SCHIP1: variants seen among roughly 807,000 people sequenced by gnomAD.
SCHIP1 encodes the protein schwannomin interacting protein 1.
SCHIP1 carries 8 observed loss-of-function variants against 29.7 expected under a neutral mutation model. The observed-to-expected ratio is 0.27, with a 90% CI of 0.16 to 0.49. SCHIP1 has a LOEUF of 0.49. SCHIP1 is among the 20% of genes least tolerant of loss of function. The pLI, the probability that SCHIP1 is intolerant of heterozygous loss-of-function variation, is 0.99. For missense variants in SCHIP1, 193 were observed against 294.6 expected (o/e 0.66, Z 2.52); for synonymous variants, 76 against 94.9 (o/e 0.80, Z 1.16).
At chr3:159,728,356 T>A in the SCHIP1 span, among the ~76,000 whole-genome samples, 5 of 152,140 alleles carry the variant, frequency 3.3e-5, no homozygotes, top group African/African-American at 4.8e-5. Flanking sequence ...TCTCTTGACA[T>A]CTGAAGGAGG....
chr3:159,275,953 G>T, the SCHIP1 span, among the ~76,000 whole-genome samples: 1 of 152,120 alleles, frequency 6.6e-6, no homozygotes, highest in East Asian at 1.9e-4. Context: ...TCTTTACTGT[G>T]GTCCACCCAC....
chr3:159,507,273 G>C, the SCHIP1 span, among the ~76,000 whole-genome samples: 1 of 151,908 alleles, frequency 6.6e-6, no homozygotes, highest in East Asian at 1.9e-4. Flanking sequence ...CTGTTTGTCT[G>C]TTATTGGTGT....
chr3:159,665,118 C>T, the SCHIP1 span, among the ~76,000 whole-genome samples: 281 of 152,248 alleles, frequency 1.8e-3, 2 homozygotes, highest in African/African-American at 6.6e-3. Flanking sequence ...GAGATGGGCT[C>T]TAGCATTGGT....
the SCHIP1 span, among the ~76,000 whole-genome samples, chr3:159,504,093 T>C: frequency 6.6e-6 from 1 of 152,148 alleles, no homozygotes; most frequent in African/African-American, 2.4e-5. Flanking sequence ...GAACTCTATC[T>C]CTCAGGTTGT....
chr3:159,743,771 C>A, the SCHIP1 span, among the ~76,000 whole-genome samples: 1 of 151,974 alleles, frequency 6.6e-6, no homozygotes. Context: ...ATGTCAGTAC[C>A]CTGGTTTGAT....
At chr3:159,765,369 G>T in the SCHIP1 span, 1 of 493,720 alleles carries the variant, frequency 2.0e-6, no homozygotes, top group Non-Finnish European at 3.4e-6. Context: ...AGCAGCCAGA[G>T]GGCAGCGGAA....
the SCHIP1 span, among the ~76,000 whole-genome samples, chr3:159,805,918 C>T: frequency 2.0e-5 from 3 of 151,658 alleles, no homozygotes; most frequent in Admixed American, 6.6e-5. Context: ...GAGCAATTCT[C>T]CTGCCTCAGC....
chr3:159,439,782 C>T, the SCHIP1 span, among the ~76,000 whole-genome samples: 2 of 151,236 alleles, frequency 1.3e-5, no homozygotes, highest in Admixed American at 6.6e-5. Flanking sequence ...GGATATTAGA[C>T]CTTTGTCAGA....
At chr3:159,299,040 T>C in the SCHIP1 span, among the ~76,000 whole-genome samples, 1 of 151,646 alleles carries the variant, frequency 6.6e-6, no homozygotes, top group South Asian at 2.1e-4. Context: ...AATTCTAGGA[T>C]TTACCTTCTC....
chr3:159,693,909 T>C, the SCHIP1 span, among the ~76,000 whole-genome samples: 27 of 152,314 alleles, frequency 1.8e-4, no homozygotes, highest in South Asian at 5.4e-3. Flanking sequence ...TGTACGTGTG[T>C]CGTGAAGATC....
the SCHIP1 span, among the ~76,000 whole-genome samples, chr3:159,649,178 C>T: frequency 4.6e-5 from 7 of 152,070 alleles, no homozygotes; most frequent in Non-Finnish European, 7.4e-5. Flanking sequence ...GCTTCCATTG[C>T]TTTGTACTTG....
chr3:159,550,628 TAG>T, the SCHIP1 span, among the ~76,000 whole-genome samples: 6 of 152,128 alleles, frequency 3.9e-5, no homozygotes, highest in Non-Finnish European at 7.4e-5. Context: ...TAAAATAACA[TAG>T]AGTTATATTT....
the SCHIP1 span, among the ~76,000 whole-genome samples, chr3:159,698,876 C>A: frequency 1.3e-5 from 2 of 152,078 alleles, no homozygotes; most frequent in African/African-American, 2.4e-5. Context: ...AAACTTCTGG[C>A]CTCAAGTGAT....
chr3:159,527,890 T>C, the SCHIP1 span, among the ~76,000 whole-genome samples: 1 of 152,206 alleles, frequency 6.6e-6, no homozygotes, highest in South Asian at 2.1e-4. Flanking sequence ...CTCATTTAAA[T>C]TGTTTGCCAA....
At chr3:159,723,349 T>G in the SCHIP1 span, among the ~76,000 whole-genome samples, 4 of 152,188 alleles carry the variant, frequency 2.6e-5, no homozygotes, top group Non-Finnish European at 5.9e-5. Flanking sequence ...AATATAAGAA[T>G]TTTTAAATGA....
chr3:159,805,843 C>G, the SCHIP1 span, among the ~76,000 whole-genome samples: 1 of 146,108 alleles, frequency 6.8e-6, no homozygotes, highest in South Asian at 2.2e-4. Context: ...GAGTCTCGCT[C>G]TGTCACCCAG....
At chr3:159,811,693 T>C in the SCHIP1 span, among the ~76,000 whole-genome samples, 1 of 152,222 alleles carries the variant, frequency 6.6e-6, no homozygotes, top group Non-Finnish European at 1.5e-5. Flanking sequence ...TGTAGCTTTA[T>C]AGTAAGTTTT....
chr3:159,623,001 A>C, the SCHIP1 span, among the ~76,000 whole-genome samples: 3 of 152,312 alleles, frequency 2.0e-5, no homozygotes, highest in Admixed American at 6.5e-5. Flanking sequence ...ATATTCAAAA[A>C]TGTTTGTTGT....
the SCHIP1 span, among the ~76,000 whole-genome samples, chr3:159,529,849 A>G: frequency 6.6e-6 from 1 of 152,152 alleles, no homozygotes; most frequent in Admixed American, 6.6e-5. Context: ...GAGTGAGAGC[A>G]TGAAATATTT....
Sources: allele counts gnomAD v4.1 joint callset (sites outside exome capture counted in the v4.1 genomes callset), GRCh38; gene constraint gnomAD v4.1.1; transcripts MANE v1.5; gene names NCBI Gene and HGNC (gene_info 2026-07-23, HGNC 2026-07-21).